The following LYPD5 variants were observed in gnomAD, a reference collection of about 807,000 sequenced individuals.
LYPD5 encodes ly6/PLAUR domain-containing protein 5.
LYPD5 carries 21 observed loss-of-function variants against 19.1 expected under a neutral mutation model. That is an observed-to-expected ratio of 1.10 (90% confidence interval 0.78 to 1.58). The LOEUF (loss-of-function observed/expected upper bound fraction) is 1.58. Among genes scored for constraint, LYPD5 ranks in the 40% most tolerant of loss-of-function variants. The probability of loss-of-function intolerance (pLI) is 0.00; values close to 1 mark genes in which losing one functional copy is unlikely to be tolerated. For synonymous variants in LYPD5, 128 were observed against 142.7 expected, an observed-to-expected ratio of 0.90 and a Z score of 0.74; for missense variants, 287 against 329.8, an observed-to-expected ratio of 0.87 and a Z score of 1.00.
At chr19:43,804,328 T>G (rs1231041509), upstream of LYPD5, among the ~76,000 whole-genome samples, 1 of 151,928 alleles carries the variant, frequency 6.6e-6, no homozygotes, top group Non-Finnish European at 1.5e-5. Flanking sequence ...CAAACTCAGA[T>G]GGCCCAATCA....
Position 43,802,419 on chromosome 19 carries a change from G to A in LYPD5, c.-39C>T. ...CACCTGGGACAGCTCCTCCCGCTGT[G>A]ATGTGCTGCCTGGCTGGTTCTCCTT... On this transcript the variant is annotated 5_prime_UTR_variant, in exon 1 of 5. Coordinates refer to ENST00000377950, the MANE Select transcript of LYPD5 (RefSeq NM_001031749.3). 1 of 1,541,980 alleles carries A rather than the reference G, an allele frequency of 6.5e-7. No individual in the cohort carries two copies. Among genetic ancestry groups the A allele is most frequent in the Admixed American group, 2.0e-5 (1 of 50,990 alleles).
At chr19:43,816,077 TCTAC>T (rs575430515) in intron 1 of LYPD5, among the ~76,000 whole-genome samples, 5 of 141,344 alleles carry the variant, frequency 3.5e-5, no homozygotes, top group African/African-American at 1.3e-4. Context: ...TATCTATCTA[TCTAC>T]CTATCATGTA....
At chr19:43,803,469 C>A (rs1256957665), upstream of LYPD5, among the ~76,000 whole-genome samples, 1 of 152,174 alleles carries the variant, frequency 6.6e-6, no homozygotes, top group African/African-American at 2.4e-5. Context: ...CTAGTGGATA[C>A]TAGCCACAGA....
chr19:43,808,902 A>G (rs1196458539), intron 1 of LYPD5, among the ~76,000 whole-genome samples: 1 of 152,380 alleles, frequency 6.6e-6, no homozygotes, highest in Non-Finnish European at 1.5e-5. Flanking sequence ...TTATTTTTAT[A>G]CTGATGAAAT....
chr19:43,814,261 G>A (rs2146507252), intron 1 of LYPD5, among the ~76,000 whole-genome samples: 1 of 152,268 alleles, frequency 6.6e-6, no homozygotes, highest in African/African-American at 2.4e-5. Flanking sequence ...TGAGTCTCAG[G>A]CGGGACGATG....
rs369087248 is a variant in LYPD5 at position 43,798,797 on chromosome 19, C to A, written c.370+15G>T. On this transcript the variant is annotated intron_variant, in intron 3 of 4. Transcript: ENST00000377950. ...CATCGTCCCTCCCGGAGCCCAGCCC[C>A]GCTCTCCCGCGCACCTTGGCTCAGG... 8.7e-5 allele frequency: 139 copies of A among 1,599,662 alleles called. No homozygotes were observed. In the African/African-American group the frequency reaches 1.7e-3, roughly 20 times the overall value.
upstream of LYPD5, among the ~76,000 whole-genome samples, chr19:43,805,568 C>T (rs184523962): frequency 2.9e-3 from 442 of 152,250 alleles, no homozygotes; most frequent in African/African-American, 0.01. Flanking sequence ...AGTGCAGTGG[C>T]GCCATCTTGG....
Position 43,796,023 on chromosome 19 carries a change from C to T in LYPD5, c.*1568G>A, listed in dbSNP as rs970633935. 6.6e-6 allele frequency: 1 copy of T among 152,308 alleles called. No homozygotes were observed. 9.4% of individuals were successfully genotyped at this position (152,308 alleles called of 1,614,324 possible). On this transcript the variant is annotated 3_prime_UTR_variant, in exon 5 of 5. Transcript: ENST00000377950. The stretch of plus-strand genomic sequence containing the variant: ...AGATTCGATGGCTGGTGAGAACCCA[C>T]TTTCTTGCTTATAGGCACCTGCTGG...
rs931822581 is a variant in LYPD5, at chr19:43,796,204, G to A, written c.*1387C>T. On this transcript the variant is annotated 3_prime_UTR_variant, in exon 5 of 5. Coordinates refer to ENST00000377950, the MANE Select transcript of LYPD5 (RefSeq NM_001031749.3). ...TCACTTTGGTAATTAGGTTTCAAAA[G>A]ATGAATTTTGGGGAGACACAAACAT... 1 of 152,150 alleles carries A rather than the reference G, an allele frequency of 6.6e-6. No individual in the cohort carries two copies. The allele number at this position is 152,150 out of a possible 1,614,324, so 9.4% of individuals were successfully genotyped here. A position where few individuals can be genotyped will look rare whatever the true frequency, so the allele number is the denominator to read the frequency against.
chr19:43,810,542 TCC>T (rs1568406178), intron 1 of LYPD5, among the ~76,000 whole-genome samples: 1 of 45,552 alleles, frequency 2.2e-5, no homozygotes, highest in African/African-American at 7.5e-5. Flanking sequence ...TTCCCTCCCC[TCC>T]CCTCCCCTCC....
In LYPD5 at chr19:43,798,580, C is replaced by G. The variant is rs1970170470; in HGVS notation, c.392G>C (p.Ser131Thr). Residue 131 changes from serine to threonine, a missense_variant, in exon 4 of 5, where the codon AGC (serine) becomes ACC (threonine). By Grantham distance (58) the Ser-to-Thr change is moderately conservative. Transcript: ENST00000377950. ...GATACAGGCGTAGCACTCGGCGCCG[C>G]TGAGCGTCGGCGGGTCGGGTGCTGG... ...LSQAPDPPTLSGAECYACIGV... is the reference protein window; with the variant it reads ...LSQAPDPPTLTGAECYACIGV... The G allele has an allele frequency of 6.2e-7, 1 of 1,610,978 alleles. No individual in the cohort carries two copies. The highest frequency in any genetic ancestry group is 1.3e-5 in the African/African-American group (1 of 74,958).
intron 1 of LYPD5, among the ~76,000 whole-genome samples, chr19:43,812,393 T>C (rs995663449): frequency 7.0e-5 from 10 of 143,496 alleles, no homozygotes; most frequent in South Asian, 2.3e-4. Context: ...ATCATCTATC[T>C]ATCCATCCAT....
At chr19:43,806,349 G>A (rs1970270192), upstream of LYPD5, among the ~76,000 whole-genome samples, 1 of 152,042 alleles carries the variant, frequency 6.6e-6, no homozygotes, top group South Asian at 2.1e-4. Context: ...CCCTAGAGGG[G>A]ACCATCTAGT....
upstream of LYPD5, among the ~76,000 whole-genome samples, chr19:43,806,174 T>A (rs1970269107): frequency 6.6e-6 from 1 of 152,194 alleles, no homozygotes. Context: ...TTACAGCCTC[T>A]CCCCATTACT....
intron 1 of LYPD5, among the ~76,000 whole-genome samples, chr19:43,810,336 T>C (rs1489169579): frequency 6.6e-6 from 1 of 152,124 alleles, no homozygotes; most frequent in Non-Finnish European, 1.5e-5. Flanking sequence ...ACTGATGTTA[T>C]ATAGTCGTGT....
chr19:43,797,918 C>T (rs1239342479), intron 4 of LYPD5, 89 bp from the exon 5 acceptor site: 17 of 1,021,030 alleles, frequency 1.7e-5, no homozygotes, highest in African/African-American at 3.2e-5. Flanking sequence ...GGCCATGCCT[C>T]GGTCCTCAGA....
intron 1 of LYPD5, among the ~76,000 whole-genome samples, chr19:43,800,963 C>A (rs75920606): frequency 9.2e-5 from 11 of 119,234 alleles, no homozygotes; most frequent in African/African-American, 2.0e-4. Flanking sequence ...GACTCTGTCT[C>A]AAAAAAAAAA....
At chr19:43,798,414 A>G in intron 4 of LYPD5, 41 bp downstream of exon 4, 1 of 1,597,922 alleles carries the variant, frequency 6.3e-7, no homozygotes, top group Non-Finnish European at 8.5e-7. Context: ...CCCTGCCTCC[A>G]TATCCCTTGC....
At chr19:43,798,684 C>G (rs528955148) in intron 3 of LYPD5, 83 bp from the exon 4 acceptor site, 93 of 1,590,838 alleles carry the variant, frequency 5.8e-5, no homozygotes, top group Non-Finnish European at 7.7e-5. Flanking sequence ...AGAGCCCGCG[C>G]CTAGCACGTC....
Sources: gnomAD v4.1 joint callset for allele counts (sites outside exome capture counted in the v4.1 genomes callset) on GRCh38, gnomAD v4.1.1 for gene constraint, MANE v1.5 for transcripts, NCBI Gene and HGNC (gene_info 2026-07-23, HGNC 2026-07-21) for gene names.